The following PDK3 variants were observed in gnomAD, a reference collection of about 807,000 sequenced individuals.
PDK3 encodes the protein pyruvate dehydrogenase kinase 3, also known as pyruvate dehydrogenase kinase, isozyme 3.
In PDK3, 12 loss-of-function variants were observed where a neutral mutation model predicts 32.0. The observed-to-expected ratio is 0.37, with a 90% CI of 0.24 to 0.61. The LOEUF (loss-of-function observed/expected upper bound fraction) is 0.61, where lower values mean the gene tolerates loss of function less well. Among genes scored for constraint, PDK3 ranks in the 20% least tolerant of loss-of-function variants. PDK3 has a pLI of 0.65. For missense variants in PDK3, 188 were observed against 316.9 expected (o/e 0.59, Z 3.09); for synonymous variants, 122 against 116.3 (o/e 1.05, Z -0.31).
rs139262593 is a variant in PDK3, at chrX:24,498,291, G to A, written c.249-538G>A. On this transcript the variant is annotated intron_variant, in intron 2 of 10. Coordinates refer to ENST00000379162, the MANE Select transcript of PDK3 (RefSeq NM_005391.5). ...TGTCACTAGAAGGTCCAGCCGTAGGGTGAGCTTTTGGTGTTGGTTTGATTC... is the reference window on the plus strand; with the variant it reads ...TGTCACTAGAAGGTCCAGCCGTAGGATGAGCTTTTGGTGTTGGTTTGATTC... Among the ~76,000 whole-genome samples the A allele has an allele frequency of 1.5e-4, 17 of 111,655 alleles. No individual in the cohort carries two copies. The East Asian group carries it at 4.8e-3, about 31-fold the overall frequency.
At chrX:24,486,252 A>C (rs1479040842) in intron 1 of PDK3, among the ~76,000 whole-genome samples, 2 of 111,197 alleles carry the variant, frequency 1.8e-5, no homozygotes, top group African/African-American at 6.6e-5. Flanking sequence ...GGAAGGATCC[A>C]ACTAGCCCGA....
At chrX:24,478,217 G>A (rs1921160567) in intron 1 of PDK3, among the ~76,000 whole-genome samples, 1 of 111,076 alleles carries the variant, frequency 9.0e-6, no homozygotes, top group African/African-American at 3.3e-5. Context: ...GGACAAGGTG[G>A]GTGAATCACT....
At chrX:24,492,046 C>T (rs1414575080) in intron 1 of PDK3, among the ~76,000 whole-genome samples, 2 of 112,057 alleles carry the variant, frequency 1.8e-5, no homozygotes, top group African/African-American at 6.5e-5. Flanking sequence ...AAGATAATTT[C>T]CTTTCTGTTT....
intron 7 of PDK3, 37 bp from the exon 8 acceptor site, chrX:24,527,537 C>A (rs759133237): frequency 1.2e-6 from 1 of 829,478 alleles, no homozygotes; most frequent in Admixed American, 3.4e-5. Flanking sequence ...GTTTGTGATT[C>A]GGCAGTATGA....
intron 9 of PDK3, among the ~76,000 whole-genome samples, chrX:24,529,119 C>T (rs1282338097): frequency 9.0e-6 from 1 of 111,644 alleles, no homozygotes; most frequent in East Asian, 2.8e-4. Context: ...ATTTGAGAGG[C>T]GTTGCCTTGA....
At chrX:24,503,789 C>A (rs1921919377) in intron 4 of PDK3, among the ~76,000 whole-genome samples, 1 of 112,412 alleles carries the variant, frequency 8.9e-6, no homozygotes, top group Non-Finnish European at 1.9e-5. Flanking sequence ...GGATGAGGGA[C>A]CGCCTTTAAT....
rs768515326 is a variant in PDK3, at chrX:24,505,033, A to G, written c.506-176A>G. Among the ~76,000 whole-genome samples the G allele has an allele frequency of 5.3e-5, 6 of 112,326 alleles. No individual in the cohort carries two copies. The East Asian group carries it at 1.7e-3, about 31-fold the overall frequency. ...CCACATCCTCCTCCTTCATTGACCA[A>G]TAAGAGTTGTTCACCCATCAATTGT... On this transcript the variant is annotated intron_variant, in intron 4 of 10. Coordinates refer to ENST00000379162, the MANE Select transcript of PDK3 (RefSeq NM_005391.5).
In PDK3 at chrX:24,492,925, A is replaced by G. The variant is rs186416661; in HGVS notation, c.107-1817A>G. ...CGAGGCAGGAGAATCACTTGAACCC[A>G]GGAGGCGGAGGTTGCAGTGAGTCGA... On this transcript the variant is annotated intron_variant, in intron 1 of 10. Coordinates refer to ENST00000379162, the MANE Select transcript of PDK3 (RefSeq NM_005391.5). Among the ~76,000 whole-genome samples the G allele has an allele frequency of 5.7e-3, 609 of 106,213 alleles. 6 individuals carry two copies. The highest frequency in any genetic ancestry group is 0.02 in the African/African-American group (582 of 28,981). The allele number at this position is 106,213 out of a possible 115,157, so 92.2% of individuals were successfully genotyped here.
At chrX:24,549,602 G>C (rs1207613) in exon 12 of PDK3, 18,212 of 110,402 alleles carry the variant, frequency 0.16, 1,461 homozygotes, top group Middle Eastern at 0.26. Flanking sequence ...GTGCTACATT[G>C]TGATTAGAAA....
intron 1 of PDK3, among the ~76,000 whole-genome samples, chrX:24,483,276 C>A (rs111528256): frequency 4.0e-4 from 45 of 112,200 alleles, no homozygotes; most frequent in Non-Finnish European, 6.6e-4. Context: ...TTAGCTATTC[C>A]TGCTTCCATG....
intron 1 of PDK3, among the ~76,000 whole-genome samples, chrX:24,481,569 G>A (rs1390889036): frequency 9.0e-6 from 1 of 111,717 alleles, no homozygotes; most frequent in Non-Finnish European, 1.9e-5. Flanking sequence ...TTTCAGTGTT[G>A]GTGGTGGGGC....
intron 9 of PDK3, among the ~76,000 whole-genome samples, chrX:24,528,556 G>A (rs1245367034): frequency 8.9e-6 from 1 of 112,771 alleles, no homozygotes; most frequent in Non-Finnish European, 1.9e-5. Context: ...CATAGCTGCC[G>A]CTTGGTCCTG....
chrX:24,487,872 A>G (rs1921443519), intron 1 of PDK3, among the ~76,000 whole-genome samples: 1 of 109,613 alleles, frequency 9.1e-6, no homozygotes, highest in Non-Finnish European at 1.9e-5. Flanking sequence ...ACAGTACAAA[A>G]TATGTCCTCA....
chrX:24,481,053 T>TTC (rs1328413585), intron 1 of PDK3, among the ~76,000 whole-genome samples: 1 of 103,099 alleles, frequency 9.7e-6, no homozygotes, highest in African/African-American at 3.6e-5. Flanking sequence ...CTTTTTCTTT[T>TTC]TTTTTTTTTT....
downstream of PDK3, among the ~76,000 whole-genome samples, chrX:24,538,422 A>T (rs1922823076): frequency 8.9e-6 from 1 of 112,299 alleles, no homozygotes; most frequent in Non-Finnish European, 1.9e-5. Flanking sequence ...TATTTTCAAA[A>T]CAGTTTCTAA....
chrX:24,474,989 G>A (rs918925577), intron 1 of PDK3, among the ~76,000 whole-genome samples: 1 of 111,528 alleles, frequency 9.0e-6, no homozygotes, highest in Non-Finnish European at 1.9e-5. Context: ...GGTTCCAAAT[G>A]ACTCCCTTTC....
Position 24,465,304 on chromosome X carries a change from C to T in PDK3, c.-152C>T. ...GCCCGCCGCTGTCCTGGAGCTGCTG[C>T]TGCTGCTGCGGCGGCTGCACCGGCG... On this transcript the variant is annotated 5_prime_UTR_variant, in exon 1 of 11. Coordinates refer to ENST00000379162, the MANE Select transcript of PDK3 (RefSeq NM_005391.5). The T allele has an allele frequency of 2.8e-6, 1 of 351,225 alleles. No individual in the cohort carries two copies. Among genetic ancestry groups the T allele is most frequent in the Non-Finnish European group, 4.8e-6 (1 of 208,605 alleles). 28.9% of individuals were successfully genotyped at this position (351,225 alleles called of 1,213,427 possible). A position where few individuals can be genotyped will look rare whatever the true frequency, so the allele number is the denominator to read the frequency against.
intron 1 of PDK3, among the ~76,000 whole-genome samples, chrX:24,483,997 C>T (rs1462533295): frequency 1.8e-5 from 2 of 108,951 alleles, no homozygotes; most frequent in Non-Finnish European, 3.8e-5. Context: ...GTGTGAGCCA[C>T]CGCACCCAGC....
At chrX:24,467,329 C>T (rs757068155) in intron 1 of PDK3, among the ~76,000 whole-genome samples, 4 of 112,210 alleles carry the variant, frequency 3.6e-5, no homozygotes, top group Non-Finnish European at 7.5e-5. Context: ...CACCACTATA[C>T]GATTGTGATT....
Sources: gnomAD v4.1 joint callset for allele counts (sites outside exome capture counted in the v4.1 genomes callset) on GRCh38, gnomAD v4.1.1 for gene constraint, MANE v1.5 for transcripts, NCBI Gene and HGNC (gene_info 2026-07-23, HGNC 2026-07-21) for gene names.